Variants in RBM25 observed in about 807,000 individuals in gnomAD.
RBM25 encodes the protein RNA-binding protein 25.
In RBM25, 19 loss-of-function variants were observed where a neutral mutation model predicts 120.7. The observed-to-expected ratio is 0.16, with a 90% CI of 0.11 to 0.23. The LOEUF is 0.23. Ranked by LOEUF, RBM25 falls within the 10% of genes least tolerant of loss-of-function variation. The pLI is 1.00. For missense variants in RBM25, 605 were observed against 1,041.5 expected (o/e 0.58, Z 5.77); for synonymous variants, 390 against 326.7 (o/e 1.19, Z -2.09).
chr14:73,060,126 C>T (rs545364173), intron 1 of RBM25, among the ~76,000 whole-genome samples: 7 of 151,910 alleles, frequency 4.6e-5, no homozygotes, highest in Non-Finnish European at 1.0e-4. Context: ...GCAACCTCCG[C>T]CTCCCAGGTT....
At chr14:73,071,529 A>T in intron 1 of RBM25, 98 bp from the exon 2 acceptor site, 2 of 830,702 alleles carry the variant, frequency 2.4e-6, no homozygotes. Context: ...AAAAGTTCAG[A>T]ATTTTGCAGA....
In RBM25 at chr14:73,083,551, G is replaced by T; in HGVS notation, c.382G>T (p.Ala128Ser). ...RVQGASGKLQ[A>S]FGFCEYKEPE... ...ACAAGGTGCTTCCGGAAAGCTTCAAGGTATGTCATTTTTTTCCTTATTTGC... is the reference window on the plus strand; with the variant it reads ...ACAAGGTGCTTCCGGAAAGCTTCAATGTATGTCATTTTTTTCCTTATTTGC... The change falls in exon 5 of 19, where the codon GCC becomes TCC. Residue 128 changes from alanine (A) to serine (S), a missense_variant and splice_region_variant. Coordinates refer to ENST00000261973, the MANE Select transcript of RBM25 (RefSeq NM_021239.3). 6.4e-7 allele frequency: 1 copy of T among 1,568,264 alleles called. No homozygotes were observed.
chr14:73,061,938 T>C (rs1370398717), intron 1 of RBM25, among the ~76,000 whole-genome samples: 1 of 151,356 alleles, frequency 6.6e-6, no homozygotes, highest in Non-Finnish European at 1.5e-5. Context: ...TTCACAGGCG[T>C]AATCCCACTA....
intron 6 of RBM25, 81 bp downstream of exon 6, chr14:73,088,242 T>C (rs1895734737): frequency 3.3e-6 from 5 of 1,519,076 alleles, no homozygotes; most frequent in Non-Finnish European, 3.6e-6. Flanking sequence ...ATGAATCTAA[T>C]ATGGGGCTTC....
In RBM25 at chr14:73,112,164, C is replaced by T. The variant is rs751249611; in HGVS notation, c.2305C>T (p.Arg769Cys). The T allele has an allele frequency of 8.7e-6, 14 of 1,603,154 alleles. No homozygotes were observed. Among genetic ancestry groups the T allele is most frequent in the East Asian group, 2.2e-5 (1 of 44,550 alleles). Residue 769 changes from arginine to cysteine, a missense_variant, in exon 17 of 19, where the codon CGT (arginine) becomes TGT (cysteine). This residue lies in a region of RBM25 where 465 missense variants were observed against 741.6 expected (regional missense o/e 0.63). Coordinates refer to ENST00000261973, the MANE Select transcript of RBM25 (RefSeq NM_021239.3). ...GTTTGTTTTGCAGATACTGATGGAA[C>T]GTCGAATTAGACCATGGATTAATAA... is the stretch of plus-strand genomic sequence containing the variant. ...WSIVDSILME[R>C]RIRPWINKKI...
intron 18 of RBM25, among the ~76,000 whole-genome samples, chr14:73,117,210 C>T (rs10142675): frequency 0.013 from 623 of 49,462 alleles, 34 homozygotes; most frequent in African/African-American, 0.043. Context: ...TTCTTCTTTT[C>T]TTTTTTTTTT....
At chr14:73,115,593 C>T (rs362439) in intron 18 of RBM25, among the ~76,000 whole-genome samples, 12,941 of 152,192 alleles carry the variant, frequency 0.085, 654 homozygotes, top group Middle Eastern at 0.21. Context: ...AACATCAAAT[C>T]CCCGTTGCAT....
intron 13 of RBM25, among the ~76,000 whole-genome samples, chr14:73,108,193 T>A (rs567502868): frequency 2.0e-5 from 3 of 152,192 alleles, no homozygotes; most frequent in Non-Finnish European, 4.4e-5. Context: ...TTTTTAAAAT[T>A]TTTTCTTGAT....
chr14:73,073,192 G>A lies in RBM25; in HGVS notation c.106+1445G>A, dbSNP rs1333183094. Reference sequence around the variant, plus strand: ...TATACTCCTGCCTCAGCCTTCCAAAGTTCTGGGATTACAGATGTGAGCCCC... The same window carrying A: ...TATACTCCTGCCTCAGCCTTCCAAAATTCTGGGATTACAGATGTGAGCCCC... On this transcript the variant is annotated intron_variant, in intron 2 of 18. Transcript: ENST00000261973. Among the ~76,000 whole-genome samples, 2 of 152,092 alleles carry A rather than the reference G, an allele frequency of 1.3e-5. 1 individual carries two copies. Among genetic ancestry groups the A allele is most frequent in the South Asian group, 4.1e-4 (2 of 4,826 alleles).
At chr14:73,070,777 T>C (rs1895268517) in intron 1 of RBM25, among the ~76,000 whole-genome samples, 1 of 151,788 alleles carries the variant, frequency 6.6e-6, no homozygotes, top group Non-Finnish European at 1.5e-5. Context: ...TGAAACCCCG[T>C]CTCTACTAAA....
intron 6 of RBM25, among the ~76,000 whole-genome samples, chr14:73,089,815 C>G (rs187992553): frequency 6.6e-6 from 1 of 151,184 alleles, no homozygotes; most frequent in South Asian, 2.1e-4. Context: ...TACAGGTGTC[C>G]GCCACCAGGC....
chr14:73,087,426 C>T (rs1294993620), intron 5 of RBM25, among the ~76,000 whole-genome samples: 3 of 145,036 alleles, frequency 2.1e-5, no homozygotes, highest in Admixed American at 7.0e-5. Flanking sequence ...GACGGAGTCT[C>T]GCTCTTTCGC....
chr14:73,118,906 T>G (rs952572998), intron 18 of RBM25, among the ~76,000 whole-genome samples: 1 of 151,824 alleles, frequency 6.6e-6, no homozygotes, highest in Admixed American at 6.6e-5. Flanking sequence ...GTAGCTGGGA[T>G]TACAGGTGCC....
At chr14:73,089,665 TTTTG>T (rs75923211) in intron 6 of RBM25, among the ~76,000 whole-genome samples, 2 of 145,476 alleles carry the variant, frequency 1.4e-5, no homozygotes, top group Non-Finnish European at 3.0e-5. Context: ...AAATGTAGGG[TTTTG>T]TTTGTTTGTT....
In RBM25 at chr14:73,060,562, A is replaced by G. The variant is rs764281226; in HGVS notation, c.-16+1857A>G. 1.5e-4 allele frequency among the ~76,000 whole-genome samples: 23 copies of G among 151,556 alleles called. 2 individuals are homozygous for G. The highest frequency in any genetic ancestry group is 3.4e-4 in the Non-Finnish European group (23 of 67,658). On this transcript the variant is annotated intron_variant, in intron 1 of 18. Transcript: ENST00000261973. ...ATCTTGCTAAAACAGTCTGTATTTT[A>G]GAGATCTCTTGATTGACTTTTCAAA...
chr14:73,100,512 A>G lies in RBM25; in HGVS notation c.867+762A>G, dbSNP rs1358454811. On this transcript the variant is annotated intron_variant, in intron 9 of 18. Transcript: ENST00000261973. ...TTGAAGCTTCTCTCAATGACAGTGC[A>G]TCTGTGAATGTTCGCTGGTGTTGAA... 1.7e-5 allele frequency: 8 copies of G among 464,222 alleles called. No homozygotes were observed. In the East Asian group the frequency reaches 2.6e-4, roughly 15 times the overall value. The allele number at this position is 464,222 out of a possible 1,614,324, so 28.8% of individuals were successfully genotyped here.
intron 12 of RBM25, chr14:73,107,608 A>G: frequency 4.1e-6 from 2 of 483,810 alleles, no homozygotes; most frequent in Non-Finnish European, 7.2e-6. Flanking sequence ...ATATACATTT[A>G]TAAATATGGT....
rs1008711734 is a variant in RBM25, at chr14:73,061,301, C to T, written c.-16+2596C>T. On this transcript the variant is annotated intron_variant, in intron 1 of 18. Coordinates refer to ENST00000261973, the MANE Select transcript of RBM25 (RefSeq NM_021239.3). ...TTGGAACTTCTGACCTCAGGTGATC[C>T]ACCCGCCTTGGCCTCCCAAAGTGTT... 2.6e-5 allele frequency among the ~76,000 whole-genome samples: 4 copies of T among 151,200 alleles called. 1 individual carries two copies. Among genetic ancestry groups the T allele is most frequent in the Non-Finnish European group, 4.4e-5 (3 of 67,470 alleles).
intron 17 of RBM25, 83 bp downstream of exon 17, chr14:73,112,333 CAG>C (rs1435991760): frequency 1.6e-6 from 2 of 1,289,192 alleles, no homozygotes; most frequent in Admixed American, 3.0e-5. Flanking sequence ...AGAAATTTTA[CAG>C]AGTCAAGTTC....
Sources: gnomAD v4.1 joint callset for allele counts (sites outside exome capture counted in the v4.1 genomes callset) on GRCh38, gnomAD v4.1.1 for gene constraint, gnomAD v4.1.1 regional missense constraint, MANE v1.5 for transcripts, NCBI Gene and HGNC (gene_info 2026-07-23, HGNC 2026-07-21) for gene names.